UBE2H: variants seen among roughly 807,000 people sequenced by gnomAD.
UBE2H encodes the protein ubiquitin conjugating enzyme E2 H.
Under a neutral mutation model 29.0 loss-of-function variants are expected in UBE2H, and 3 were observed. That is an observed-to-expected ratio of 0.10 (90% CI 0.05 to 0.27). The LOEUF (loss-of-function observed/expected upper bound fraction) is 0.27. UBE2H is among the 10% of genes least tolerant of loss of function. The pLI is 1.00. For synonymous variants in UBE2H, 69 were observed against 82.9 expected, an observed-to-expected ratio of 0.83 and a Z score of 0.91; for missense variants, 68 against 228.2, an observed-to-expected ratio of 0.30 and a Z score of 4.52.
intron 1 of UBE2H, among the ~76,000 whole-genome samples, chr7:129,912,224 CA>C (rs1563043754): frequency 6.6e-6 from 1 of 151,962 alleles, no homozygotes. Flanking sequence ...TGAATAGTTG[CA>C]AAAAAGACCA....
intron 5 of UBE2H, among the ~76,000 whole-genome samples, chr7:129,845,257 G>A (rs1805492922): frequency 6.6e-6 from 1 of 152,180 alleles, no homozygotes; most frequent in Non-Finnish European, 1.5e-5. Flanking sequence ...AGCATCCTAA[G>A]GTTGCAGCTT....
At position 129,836,879 on chromosome 7, in the gene UBE2H, C is replaced by CAAAAAAAAAAAAAAAAAAA. The variant is rs61226846; in HGVS notation, c.428-1837_428-1819dup. On this transcript the variant is annotated intron_variant, in intron 6 of 6. Transcript: ENST00000355621. ...TAGGCGACAGGGCAAGACTCCGTCT[C>CAAAAAAAAAAAAAAAAAAA]AAAAAAAAAAAAAAAAAAAAAAAAA... Among the ~76,000 whole-genome samples the CAAAAAAAAAAAAAAAAAAA allele has an allele frequency of 1.3e-3, 98 of 73,716 alleles. 2 individuals are homozygous for CAAAAAAAAAAAAAAAAAAA. Among genetic ancestry groups the CAAAAAAAAAAAAAAAAAAA allele is most frequent in the East Asian group, 1.8e-3 (3 of 1,654 alleles). The allele number at this position is 73,716 out of a possible 152,430, so 48.4% of individuals were successfully genotyped here. A position where few individuals can be genotyped will look rare whatever the true frequency, so the allele number is the denominator to read the frequency against.
chr7:129,914,565 C>CT (rs1237391835), intron 1 of UBE2H, among the ~76,000 whole-genome samples: 1 of 152,156 alleles, frequency 6.6e-6, no homozygotes, highest in East Asian at 1.9e-4. Flanking sequence ...GTAATGTACT[C>CT]TAAGAGGTCA....
At chr7:129,936,200 G>A (rs546528189) in intron 1 of UBE2H, among the ~76,000 whole-genome samples, 91 of 152,262 alleles carry the variant, frequency 6.0e-4, no homozygotes, top group African/African-American at 2.0e-3. Context: ...TGCCAGAACT[G>A]GCAGACTAAA....
chr7:129,943,636 T>C (rs1807692478), intron 1 of UBE2H, among the ~76,000 whole-genome samples: 1 of 152,184 alleles, frequency 6.6e-6, no homozygotes, highest in Non-Finnish European at 1.5e-5. Flanking sequence ...GCATCGTGGC[T>C]CACACCTGTA....
rs200085206 is a variant in UBE2H, at chr7:129,858,540, T to C, written c.245+362A>G. Among the ~76,000 whole-genome samples the C allele has an allele frequency of 2.0e-5, 3 of 152,314 alleles. No homozygotes were observed. The East Asian group carries it at 5.8e-4, about 29-fold the overall frequency. ...TATAGTCATTTTGCCTTACTATCTA[T>C]CAAGAATTGAGAAAATATTATAAGA... On this transcript the variant is annotated intron_variant, in intron 4 of 6. Coordinates refer to ENST00000355621, the MANE Select transcript of UBE2H (RefSeq NM_003344.4).
At chr7:129,882,731 C>T (rs1029987596) in intron 1 of UBE2H, among the ~76,000 whole-genome samples, 1 of 152,118 alleles carries the variant, frequency 6.6e-6, no homozygotes, top group Non-Finnish European at 1.5e-5. Flanking sequence ...CCTCTGACAT[C>T]CTGCAAAATA....
intron 5 of UBE2H, among the ~76,000 whole-genome samples, chr7:129,848,262 C>A (rs189849532): frequency 6.6e-6 from 1 of 152,250 alleles, no homozygotes; most frequent in Admixed American, 6.5e-5. Flanking sequence ...ACTATGTACC[C>A]CATGAATATG....
chr7:129,836,875 G>A (rs1394380845), intron 6 of UBE2H, among the ~76,000 whole-genome samples: 2 of 47,046 alleles, frequency 4.3e-5, no homozygotes, highest in African/African-American at 6.5e-5. Flanking sequence ...GCAAGACTCC[G>A]TCTCAAAAAA....
chr7:129,859,747 A>AT (rs1805766123), intron 3 of UBE2H, among the ~76,000 whole-genome samples: 1 of 152,170 alleles, frequency 6.6e-6, no homozygotes, highest in African/African-American at 2.4e-5. Flanking sequence ...CAAAGGTGTC[A>AT]TTTTGTCATC....
intron 1 of UBE2H, among the ~76,000 whole-genome samples, chr7:129,881,317 A>C (rs1318733005): frequency 6.6e-6 from 1 of 152,192 alleles, no homozygotes; most frequent in Non-Finnish European, 1.5e-5. Context: ...GACAGGTTAA[A>C]CATGTAAAAT....
chr7:129,861,379 A>AT (rs954795457), intron 3 of UBE2H, among the ~76,000 whole-genome samples: 18 of 152,034 alleles, frequency 1.2e-4, no homozygotes, highest in African/African-American at 4.3e-4. Context: ...TGGTGGTAGT[A>AT]TTTTCTCCGC....
In UBE2H at chr7:129,834,808, A is replaced by ATG; in HGVS notation, c.*128_*129insCA. ...AAAGGGTGATATATAATATATATAT[A>ATG]TCAATGCTATTATTCATAAAAACCT... On this transcript the variant is annotated 3_prime_UTR_variant, in exon 7 of 7. Coordinates refer to ENST00000355621, the MANE Select transcript of UBE2H (RefSeq NM_003344.4). 1 of 1,001,960 alleles carries ATG rather than the reference A, an allele frequency of 1.0e-6. No individual in the cohort carries two copies. The highest frequency in any genetic ancestry group is 1.8e-5 in the South Asian group (1 of 57,088). The allele number at this position is 1,001,960 out of a possible 1,614,324, so 62.1% of individuals were successfully genotyped here.
rs1029815280 is a variant in UBE2H at position 129,878,058 on chromosome 7, G to A, written c.205+1510C>T. ...AAAGTCCTATCACTAACCAACATAAGAGTTTTAAATGGCTGAGTAGACAGA... is the reference window on the plus strand; with the variant it reads ...AAAGTCCTATCACTAACCAACATAAAAGTTTTAAATGGCTGAGTAGACAGA... On this transcript the variant is annotated intron_variant, in intron 3 of 6. Transcript: ENST00000355621. 2.6e-5 allele frequency among the ~76,000 whole-genome samples: 4 copies of A among 152,168 alleles called. No homozygotes were observed. In the East Asian group the frequency reaches 7.7e-4, roughly 29 times the overall value.
chr7:129,932,706 G>A (rs1807432629), intron 1 of UBE2H, among the ~76,000 whole-genome samples: 3 of 149,898 alleles, frequency 2.0e-5, no homozygotes, highest in African/African-American at 4.9e-5. Context: ...CCCGGAAGGC[G>A]GAGGTTGCAG....
chr7:129,937,287 C>T (rs11766498), intron 1 of UBE2H, among the ~76,000 whole-genome samples: 2 of 152,054 alleles, frequency 1.3e-5, no homozygotes, highest in African/African-American at 4.8e-5. Context: ...CGAGATCACA[C>T]AACTGCACTT....
In UBE2H at chr7:129,834,419, G is replaced by A. The variant is rs1432677426; in HGVS notation, c.*518C>T. On this transcript the variant is annotated 3_prime_UTR_variant, in exon 7 of 7. Transcript: ENST00000355621. ...TCCACAGAAGACATAGGGCCACCTA[G>A]GATTCACAGGAAGGAGCAGCTCTGA... 1 of 153,208 alleles carries A rather than the reference G, an allele frequency of 6.5e-6. No homozygotes were observed. The highest frequency in any genetic ancestry group is 1.9e-4 in the East Asian group (1 of 5,216). 9.5% of individuals were successfully genotyped at this position (153,208 alleles called of 1,614,324 possible). A position where few individuals can be genotyped will look rare whatever the true frequency, so the allele number is the denominator to read the frequency against.
At chr7:129,937,622 G>T (rs919070610) in intron 1 of UBE2H, among the ~76,000 whole-genome samples, 1 of 152,166 alleles carries the variant, frequency 6.6e-6, no homozygotes, top group Admixed American at 6.5e-5. Flanking sequence ...CACATATATG[G>T]CATTTGATAA....
chr7:129,906,451 C>G (rs1806819274), intron 1 of UBE2H, among the ~76,000 whole-genome samples: 1 of 152,056 alleles, frequency 6.6e-6, no homozygotes, highest in Non-Finnish European at 1.5e-5. Context: ...GTGATCCACC[C>G]ACATCAGCCT....
Sources: allele counts gnomAD v4.1 joint callset (sites outside exome capture counted in the v4.1 genomes callset), GRCh38; gene constraint gnomAD v4.1.1; transcripts MANE v1.5; gene names NCBI Gene and HGNC (gene_info 2026-07-23, HGNC 2026-07-21).